The following ENO4 variants were observed in gnomAD, a reference collection of about 807,000 sequenced individuals.
ENO4 encodes the protein enolase 4.
ENO4 carries 53 observed loss-of-function variants against 63.2 expected under a neutral mutation model. The observed-to-expected ratio is 0.84, with a 90% CI of 0.67 to 1.05. The LOEUF (loss-of-function observed/expected upper bound fraction) is 1.05, where lower values mean the gene tolerates loss of function less well. Ranked by LOEUF, ENO4 falls within the 50% of genes least tolerant of loss-of-function variation. ENO4 has a pLI of 0.00. For synonymous variants in ENO4, 266 were observed against 283.8 expected (o/e 0.94, Z 0.63); for missense variants, 719 against 772.0 (o/e 0.93, Z 0.81).
rs1215516926 is a variant in ENO4, at chr10:116,855,742, C to CT, written c.288dup (p.Pro97SerfsTer14). On this transcript the variant is annotated frameshift_variant, in exon 2 of 14. Transcript: ENST00000341276. LOFTEE classifies it high-confidence loss of function. Reference sequence around the variant, plus strand: ...TGGACATATTCTGCACCATTCAAAACTTTCCCAAGGTATGAGGCAGTTTAA... The same window carrying CT: ...TGGACATATTCTGCACCATTCAAAACTTTTCCCAAGGTATGAGGCAGTTTAA... 1 of 1,534,768 alleles carries CT rather than the reference C, an allele frequency of 6.5e-7. No homozygotes were observed. The highest frequency in any genetic ancestry group is 8.7e-7 in the Non-Finnish European group (1 of 1,145,732).
chr10:116,878,218 A>C (rs1048012918), intron 11 of ENO4, among the ~76,000 whole-genome samples: 5 of 152,198 alleles, frequency 3.3e-5, no homozygotes, highest in African/African-American at 7.2e-5. Context: ...AAATACCACG[A>C]GTGGGTCTCA....
At chr10:116,867,175 TG>T (rs1225181350) in intron 7 of ENO4, among the ~76,000 whole-genome samples, 1 of 152,140 alleles carries the variant, frequency 6.6e-6, no homozygotes, top group African/African-American at 2.4e-5. Flanking sequence ...TGACATCATT[TG>T]GCTGGTGGCA....
At chr10:116,860,765 A>G in intron 4 of ENO4, 29 bp from the exon 5 acceptor site, 1 of 1,318,586 alleles carries the variant, frequency 7.6e-7, no homozygotes, top group Admixed American at 3.1e-5. Context: ...TTAGAAATAC[A>G]GTCTTACTCT....
At chr10:116,871,896 A>G (rs1263191332) in intron 9 of ENO4, among the ~76,000 whole-genome samples, 1 of 152,216 alleles carries the variant, frequency 6.6e-6, no homozygotes, top group Non-Finnish European at 1.5e-5. Flanking sequence ...AAACAGGTTC[A>G]TTGAAAAACA....
At chr10:116,886,523 C>T (rs1212592034), downstream of ENO4, 1 of 1,613,994 alleles carries the variant, frequency 6.2e-7, no homozygotes. Context: ...GCTTGTTTTT[C>T]ACCGTCAATG....
downstream of ENO4, chr10:116,883,878 C>G (rs1324225398): frequency 5.0e-6 from 1 of 198,944 alleles, no homozygotes; most frequent in Non-Finnish European, 1.1e-5. Context: ...AGCTCACATA[C>G]AAAAGGGTGC....
intron 10 of ENO4, among the ~76,000 whole-genome samples, chr10:116,875,561 T>TCACACACACACACACACACACACA (rs56000218): frequency 2.8e-4 from 41 of 148,012 alleles, no homozygotes; most frequent in East Asian, 1.0e-3. Flanking sequence ...TCCAGGCTGG[T>TCACACACACACACACACACACACA]CACACACACA....
At chr10:116,854,965 A>G (rs112264007) in intron 1 of ENO4, among the ~76,000 whole-genome samples, 139 of 148,706 alleles carry the variant, frequency 9.3e-4, no homozygotes, top group Non-Finnish European at 1.6e-3. Context: ...AAAAAAAAAA[A>G]AAAGAAAGAA....
At chr10:116,902,443 G>A (rs1218567688) in intron 10 of ENO4, among the ~76,000 whole-genome samples, 2 of 152,192 alleles carry the variant, frequency 1.3e-5, no homozygotes, top group Admixed American at 6.5e-5. Context: ...TCATTTTAAT[G>A]TGAATGAGAA....
At chr10:116,869,882 T>G (rs1805356850) in intron 8 of ENO4, among the ~76,000 whole-genome samples, 1 of 145,744 alleles carries the variant, frequency 6.9e-6, no homozygotes, top group African/African-American at 2.6e-5. Context: ...CTGGTTCAAC[T>G]TAGTTAACTC....
intron 1 of ENO4, among the ~76,000 whole-genome samples, chr10:116,851,125 C>T (rs777346762): frequency 5.9e-5 from 9 of 152,158 alleles, no homozygotes; most frequent in Non-Finnish European, 1.2e-4. Context: ...ACTCTTGTTC[C>T]CCAGTATAAT....
chr10:116,895,983 A>T (rs1847503335), intron 10 of ENO4, among the ~76,000 whole-genome samples: 1 of 152,138 alleles, frequency 6.6e-6, no homozygotes, highest in Non-Finnish European at 1.5e-5. Context: ...TCAATCCCCA[A>T]ACTGGAAGCT....
downstream of ENO4, chr10:116,886,451 C>T: frequency 6.2e-7 from 1 of 1,613,132 alleles, no homozygotes; most frequent in Non-Finnish European, 8.5e-7. Flanking sequence ...TCTTTTTCAG[C>T]AACCTGGTCT....
rs986526064 is a variant in ENO4, at chr10:116,879,882, G to A, written c.1619G>A (p.Gly540Asp). 1.3e-6 allele frequency: 2 copies of A among 1,550,258 alleles called. No individual in the cohort carries two copies. The highest frequency in any genetic ancestry group is 1.2e-5 in the South Asian group (1 of 83,910). ...CCCCCCTTTCAGGCTGTTGGGCTTG[G>A]TGTCCGGTTCATCAAGTTGGGGGGT... is the stretch of plus-strand genomic sequence containing the variant. Reference protein sequence around the residue: ...DSLVDLAVGLGVRFIKLGGLS... With the variant: ...DSLVDLAVGLDVRFIKLGGLS... Residue 540 changes from glycine (G) to aspartate (D), a missense_variant, in exon 13 of 14, where the codon GGT becomes GAT. Physicochemically the swap from Gly to Asp is moderately conservative, Grantham distance 94 (BLOSUM62 -1). Coordinates refer to ENST00000341276, the MANE Select transcript of ENO4 (RefSeq NM_001242699.2).
intron 11 of ENO4, among the ~76,000 whole-genome samples, chr10:116,876,897 GC>G (rs1846850969): frequency 1.3e-5 from 2 of 152,092 alleles, no homozygotes; most frequent in African/African-American, 4.8e-5. Flanking sequence ...CTTGCAGTGA[GC>G]CGAGATCGCG....
Position 116,858,990 on chromosome 10 carries a change from G to C in ENO4, c.486G>C (p.Arg162Ser). 1.3e-6 allele frequency: 2 copies of C among 1,530,562 alleles called. No homozygotes were observed. The highest frequency in any genetic ancestry group is 8.8e-7 in the Non-Finnish European group (1 of 1,142,718). The allele number at this position is 1,530,562 out of a possible 1,614,324, so 94.8% of individuals were successfully genotyped here. A position where few individuals can be genotyped will look rare whatever the true frequency, so the allele number is the denominator to read the frequency against. ...AAAGCCATATTTTCTTGCTATTAAG[G>C]ATATTCTTCGCAAGTAAAGTACAAG... ...SDQAEVDHLLRIFFASKVQED... is the reference protein window; with the variant it reads ...SDQAEVDHLLSIFFASKVQED... Residue 162 changes from arginine to serine, a missense_variant and splice_region_variant, in exon 4 of 14, where the codon AGG (arginine) becomes AGC (serine). Coordinates refer to ENST00000341276, the MANE Select transcript of ENO4 (RefSeq NM_001242699.2).
chr10:116,876,210 CA>C lies in ENO4; in HGVS notation c.1490del (p.Asn497ThrfsTer11). ...TCCAATGGGCTGATCATAAAACACA[CA>C]AACCAAACTACAATGTCTGACTTGG... ...PKSNGLIIKH[T>X]NQTTMSDLVE... On this transcript the variant is annotated frameshift_variant, in exon 11 of 14. Coordinates refer to ENST00000341276, the MANE Select transcript of ENO4 (RefSeq NM_001242699.2). LOFTEE classifies it high-confidence loss of function. The C allele has an allele frequency of 6.5e-7, 1 of 1,549,928 alleles. No homozygotes were observed. Among genetic ancestry groups the C allele is most frequent in the Non-Finnish European group, 8.7e-7 (1 of 1,146,758 alleles).
chr10:116,890,602 C>A (rs1234680152), intron 10 of ENO4, among the ~76,000 whole-genome samples: 1 of 152,132 alleles, frequency 6.6e-6, no homozygotes, highest in East Asian at 1.9e-4. Flanking sequence ...AACCAAAAAC[C>A]AAAAAGCAAA....
chr10:116,910,776 A>ATT (rs1848160718), intron 10 of ENO4, among the ~76,000 whole-genome samples: 1 of 152,196 alleles, frequency 6.6e-6, no homozygotes, highest in South Asian at 2.1e-4. Flanking sequence ...AATCTATTAG[A>ATT]TAATCACCAC....
Sources: gnomAD v4.1 joint callset for allele counts (sites outside exome capture counted in the v4.1 genomes callset) on GRCh38, gnomAD v4.1.1 for gene constraint, MANE v1.5 for transcripts, NCBI Gene and HGNC (gene_info 2026-07-23, HGNC 2026-07-21) for gene names.